CCDC158: variants seen among roughly 807,000 people sequenced by gnomAD.
The protein encoded by CCDC158 is coiled-coil domain-containing protein 158.
In CCDC158, 116 loss-of-function variants were observed where a neutral mutation model predicts 138.6. The ratio of observed to expected loss-of-function variants is 0.84; its 90% CI spans 0.72 to 0.98. The LOEUF is 0.98. CCDC158 is among the 50% of genes least tolerant of loss of function. CCDC158 has a pLI of 0.00. For missense variants in CCDC158, 1,265 were observed against 1,306.1 expected, an observed-to-expected ratio of 0.97 and a Z score of 0.48; for synonymous variants, 436 against 442.4, an observed-to-expected ratio of 0.99 and a Z score of 0.18.
chr4:76,377,981 T>G (rs1240486800), intron 9 of CCDC158, among the ~76,000 whole-genome samples: 7 of 151,740 alleles, frequency 4.6e-5, no homozygotes, highest in African/African-American at 1.7e-4. Flanking sequence ...CAGTTGCATG[T>G]GTGTTGGATC....
chr4:76,380,430 C>A (rs764933410), intron 8 of CCDC158, among the ~76,000 whole-genome samples: 6 of 152,158 alleles, frequency 3.9e-5, no homozygotes, highest in African/African-American at 4.8e-5. Context: ...GCATTTTGCC[C>A]CTGCCCTAAA....
chr4:76,403,365 T>C (rs1355975491), intron 2 of CCDC158, 85 bp from the exon 3 acceptor site: 13 of 462,690 alleles, frequency 2.8e-5, no homozygotes, highest in Non-Finnish European at 4.5e-5. Flanking sequence ...CTTTTTAACA[T>C]TGAAATTTAG....
intron 24 of CCDC158, among the ~76,000 whole-genome samples, chr4:76,314,210 G>T (rs1439446900): frequency 2.0e-5 from 3 of 152,132 alleles, no homozygotes; most frequent in Non-Finnish European, 2.9e-5. Flanking sequence ...CAGCAAAAAG[G>T]TCTTTTTATT....
intron 18 of CCDC158, among the ~76,000 whole-genome samples, chr4:76,334,421 A>T (rs1226046382): frequency 2.0e-5 from 3 of 152,180 alleles, no homozygotes; most frequent in Non-Finnish European, 4.4e-5. Context: ...TTATTTTTAA[A>T]CTACTTTTGT....
At chr4:76,355,492 G>C in intron 14 of CCDC158, 56 bp from the exon 15 acceptor site, 2 of 1,137,256 alleles carry the variant, frequency 1.8e-6, no homozygotes, top group East Asian at 2.3e-5. Flanking sequence ...GAGAGACTAT[G>C]GTAATTTGAT....
At chr4:76,372,260 G>C (rs1725318461) in intron 9 of CCDC158, among the ~76,000 whole-genome samples, 1 of 152,146 alleles carries the variant, frequency 6.6e-6, no homozygotes, top group African/African-American at 2.4e-5. Context: ...GCAACACAGG[G>C]AGACCCCATC....
chr4:76,384,182 G>A lies in CCDC158; in HGVS notation c.632C>T (p.Ser211Phe). ...GCCCAAGCTGCGGAAGTGCAGAGTA[G>A]ACATGCTGTCATGTTCACATATTTT... ...GKKICEHDSMSTLHFRSLGSA... is the reference protein window; with the variant it reads ...GKKICEHDSMFTLHFRSLGSA... Residue 211 changes from serine to phenylalanine, a missense_variant, in exon 6 of 25, where the codon TCT (serine) becomes TTT (phenylalanine). By Grantham distance (155) the Ser-to-Phe change is radical. Coordinates refer to ENST00000682701, the MANE Select transcript of CCDC158 (RefSeq NM_001394954.1). 6.2e-7 allele frequency: 1 copy of A among 1,614,112 alleles called. No homozygotes were observed. The highest frequency in any genetic ancestry group is 2.2e-5 in the East Asian group (1 of 44,882).
At chr4:76,317,197 T>TA (rs1216898149) in intron 24 of CCDC158, among the ~76,000 whole-genome samples, 2 of 151,984 alleles carry the variant, frequency 1.3e-5, no homozygotes, top group African/African-American at 4.8e-5. Flanking sequence ...GCAGAAAGGA[T>TA]AAAAATCTAC....
At chr4:76,402,863 A>G (rs922618339) in intron 3 of CCDC158, among the ~76,000 whole-genome samples, 2 of 152,222 alleles carry the variant, frequency 1.3e-5, no homozygotes, top group Non-Finnish European at 2.9e-5. Flanking sequence ...AAGGCAGGCT[A>G]GGAAGACACA....
intron 1 of CCDC158, among the ~76,000 whole-genome samples, chr4:76,420,438 T>C (rs915469541): frequency 2.0e-5 from 3 of 152,094 alleles, no homozygotes; most frequent in African/African-American, 7.2e-5. Context: ...CAGAGTGCTG[T>C]GGAAAAGGAT....
In CCDC158 at chr4:76,334,093, G is replaced by A. The variant is rs114878412; in HGVS notation, c.2739C>T (p.Ser913=). The part of the protein sequence containing the change: ...DLKQLLQELR[S]VINEEPAVSL... ...ACACAGCTGGCTCCTCATTGATCAC[G>A]CTTCTCAACTCTTGGAGAAGCTGTT... Residue 913 remains serine, a synonymous_variant, in exon 19 of 25, where the codon AGC becomes AGT. Transcript: ENST00000682701. The A allele has an allele frequency of 0.032, 52,109 of 1,613,456 alleles. 1,157 individuals carry two copies. Among genetic ancestry groups the A allele is most frequent in the Non-Finnish European group, 0.037 (43,399 of 1,179,538 alleles).
chr4:76,388,415 C>G (rs10027261), intron 4 of CCDC158, among the ~76,000 whole-genome samples: 4,482 of 152,186 alleles, frequency 0.029, 220 homozygotes, highest in African/African-American at 0.1. Context: ...GATCAAAGAG[C>G]CCTTGGCTTT....
intron 18 of CCDC158, among the ~76,000 whole-genome samples, chr4:76,346,465 G>A (rs1429991617): frequency 3.9e-5 from 6 of 152,134 alleles, no homozygotes; most frequent in Admixed American, 2.0e-4. Context: ...TAATCCCAAC[G>A]CTTTGGGAGG....
chr4:76,377,646 C>A (rs17001881), intron 9 of CCDC158, among the ~76,000 whole-genome samples: 4,475 of 152,250 alleles, frequency 0.029, 219 homozygotes, highest in African/African-American at 0.1. Context: ...TGAGAAAAGA[C>A]ACTAGAACAT....
At chr4:76,363,931 A>G (rs28376016) in intron 12 of CCDC158, among the ~76,000 whole-genome samples, 4,506 of 152,138 alleles carry the variant, frequency 0.03, 226 homozygotes, top group African/African-American at 0.1. Context: ...AAGAGCAAAC[A>G]AGAGAGGTGG....
At chr4:76,386,848 A>G (rs1236942934) in intron 4 of CCDC158, among the ~76,000 whole-genome samples, 1 of 152,188 alleles carries the variant, frequency 6.6e-6, no homozygotes, top group African/African-American at 2.4e-5. Context: ...GAATCAAGCC[A>G]TGCTGAGCTT....
At chr4:76,350,347 T>C (rs982929835) in intron 18 of CCDC158, among the ~76,000 whole-genome samples, 2 of 152,204 alleles carry the variant, frequency 1.3e-5, no homozygotes, top group Non-Finnish European at 2.9e-5. Context: ...TTACTGGTGA[T>C]CCTGTTGCCA....
chr4:76,344,976 G>C (rs905117734), intron 18 of CCDC158: 2 of 1,472,288 alleles, frequency 1.4e-6, no homozygotes, highest in African/African-American at 2.8e-5. Context: ...CTTTTTACTG[G>C]AGTTAGGGAG....
At chr4:76,372,461 A>G (rs1195609434) in intron 9 of CCDC158, among the ~76,000 whole-genome samples, 1 of 152,200 alleles carries the variant, frequency 6.6e-6, no homozygotes, top group East Asian at 1.9e-4. Context: ...GAAGCTTGAT[A>G]TGGCATAAAC....
Sources: gnomAD v4.1 joint callset for allele counts (sites outside exome capture counted in the v4.1 genomes callset) on GRCh38, gnomAD v4.1.1 for gene constraint, MANE v1.5 for transcripts, NCBI Gene and HGNC (gene_info 2026-07-23, HGNC 2026-07-21) for gene names.